Variants in HMGXB4 observed in about 807,000 individuals in gnomAD.
HMGXB4 encodes the protein HMG-box containing 4.
In HMGXB4, 27 loss-of-function variants were observed where a neutral mutation model predicts 63.9. That is an observed-to-expected ratio of 0.42 (90% CI 0.31 to 0.58). The LOEUF (loss-of-function observed/expected upper bound fraction) is 0.58, where lower values mean the gene tolerates loss of function less well. Among genes scored for constraint, HMGXB4 ranks in the 20% least tolerant of loss-of-function variants. The pLI, the probability that HMGXB4 is intolerant of heterozygous loss-of-function variation, is 0.13. For synonymous variants in HMGXB4, 264 were observed against 265.3 expected, an observed-to-expected ratio of 0.99 and a Z score of 0.05; for missense variants, 624 against 700.7, an observed-to-expected ratio of 0.89 and a Z score of 1.24.
At chr22:35,274,526 A>G (rs915049503) in intron 5 of HMGXB4, among the ~76,000 whole-genome samples, 1 of 152,218 alleles carries the variant, frequency 6.6e-6, no homozygotes, top group Non-Finnish European at 1.5e-5. Flanking sequence ...TCTACTATGT[A>G]TCACTGAATT....
upstream of HMGXB4, among the ~76,000 whole-genome samples, chr22:35,255,798 C>T (rs1030781702): frequency 6.6e-6 from 1 of 152,182 alleles, no homozygotes; most frequent in Non-Finnish European, 1.5e-5. Context: ...GGATTTAGGG[C>T]TCTGAAGAAC....
At chr22:35,275,381 A>G (rs1923851076) in intron 5 of HMGXB4, among the ~76,000 whole-genome samples, 1 of 151,980 alleles carries the variant, frequency 6.6e-6, no homozygotes, top group Non-Finnish European at 1.5e-5. Context: ...CGGCCTCCCA[A>G]AGTGCTGGGA....
chr22:35,279,391 G>A (rs376778736), intron 5 of HMGXB4, among the ~76,000 whole-genome samples: 39 of 151,948 alleles, frequency 2.6e-4, no homozygotes, highest in African/African-American at 8.2e-4. Context: ...CGCCCACCTC[G>A]GCCTCCCAAA....
chr22:35,258,459 T>TA (rs1922609120), intron 1 of HMGXB4: 1 of 152,212 alleles, frequency 6.6e-6, no homozygotes, highest in South Asian at 2.1e-4. Context: ...TTGCTGGTCT[T>TA]ATGGAATGTG....
chr22:35,286,364 GC>G (rs1445001200), intron 7 of HMGXB4, among the ~76,000 whole-genome samples: 2 of 152,182 alleles, frequency 1.3e-5, no homozygotes, highest in African/African-American at 4.8e-5. Flanking sequence ...TAAAATCAGA[GC>G]CCTTTACTGC....
chr22:35,290,869 A>C (rs1234523332), intron 9 of HMGXB4, among the ~76,000 whole-genome samples: 2 of 152,084 alleles, frequency 1.3e-5, no homozygotes, highest in African/African-American at 4.8e-5. Flanking sequence ...TTTAATGTAC[A>C]TCGTAATGGA....
chr22:35,265,651 T>C (rs1221808517), intron 5 of HMGXB4, 48 bp downstream of exon 5: 2 of 1,469,558 alleles, frequency 1.4e-6, no homozygotes, highest in East Asian at 2.5e-5. Context: ...AAGCAGGTTC[T>C]TCCTGGGTAG....
intron 10 of HMGXB4, 107 bp from the exon 11 acceptor site, chr22:35,293,500 T>C: frequency 1.3e-6 from 1 of 778,068 alleles, no homozygotes; most frequent in South Asian, 1.5e-5. Flanking sequence ...TCACCTGTTT[T>C]TCTAACTCCA....
At chr22:35,259,694 A>G (rs1257951276) in intron 1 of HMGXB4, among the ~76,000 whole-genome samples, 1 of 152,244 alleles carries the variant, frequency 6.6e-6, no homozygotes, top group Admixed American at 6.5e-5. Flanking sequence ...CGGTCTGCCC[A>G]AGCTGTGGCT....
At chr22:35,256,201 T>C (rs73883573), upstream of HMGXB4, among the ~76,000 whole-genome samples, 967 of 152,322 alleles carry the variant, frequency 6.3e-3, 12 homozygotes, top group African/African-American at 0.022. Flanking sequence ...CACCTTGCTT[T>C]TATTGGTCTC....
At chr22:35,287,159 A>G in intron 7 of HMGXB4, 188 bp from the exon 8 acceptor site, 2 of 559,590 alleles carry the variant, frequency 3.6e-6, no homozygotes, top group South Asian at 4.2e-5. Context: ...GTCCTTTACT[A>G]AGATATTAAT....
At chr22:35,259,752 C>T (rs1190023273) in intron 1 of HMGXB4, among the ~76,000 whole-genome samples, 1 of 152,202 alleles carries the variant, frequency 6.6e-6, no homozygotes, top group Non-Finnish European at 1.5e-5. Context: ...TCTTGGCTGC[C>T]CCAGTTCTTC....
At chr22:35,265,773 C>T (rs1001673172) in intron 5 of HMGXB4, among the ~76,000 whole-genome samples, 170 bp downstream of exon 5, 5 of 151,096 alleles carry the variant, frequency 3.3e-5, no homozygotes, top group African/African-American at 1.2e-4. Context: ...CCCAGTCTGT[C>T]TGATATAGAA....
At chr22:35,252,545 T>C (rs1243012943), upstream of HMGXB4, among the ~76,000 whole-genome samples, 1 of 152,250 alleles carries the variant, frequency 6.6e-6, no homozygotes, top group Non-Finnish European at 1.5e-5. Flanking sequence ...ATTTCCCTCT[T>C]TTTAAGACTG....
chr22:35,241,638 T>C, the HMGXB4 span, among the ~76,000 whole-genome samples: 1 of 152,116 alleles, frequency 6.6e-6, no homozygotes, highest in Non-Finnish European at 1.5e-5. Context: ...TCAGCTCAGC[T>C]CTCTAACTTG....
upstream of HMGXB4, among the ~76,000 whole-genome samples, chr22:35,256,445 C>T (rs1922407562): frequency 6.6e-6 from 1 of 152,132 alleles, no homozygotes. Flanking sequence ...GCTCACTACT[C>T]ACAAGGAAGC....
intron 9 of HMGXB4, among the ~76,000 whole-genome samples, chr22:35,289,000 TGTG>T (rs1924769196): frequency 6.6e-6 from 1 of 151,748 alleles, no homozygotes; most frequent in South Asian, 2.1e-4. Context: ...ATTAGCCAGG[TGTG>T]GTGGCATGCA....
rs756895775 is a variant in HMGXB4, at chr22:35,293,633, C to T, written c.1788C>T (p.Tyr596=). The T allele has an allele frequency of 6.8e-6, 11 of 1,612,126 alleles. No individual in the cohort carries two copies. Among genetic ancestry groups the T allele is most frequent in the South Asian group, 1.1e-5 (1 of 91,030 alleles). ...CAAACACATTAGACAACATTGCTTA[C>T]ATCATGCCGGGACTGTGACAGCAAA... ...VLSNTLDNIA[Y]IMPGL is the part of the protein sequence containing the mutation. Residue 596 remains tyrosine, a synonymous_variant, in exon 11 of 11, where the codon TAC becomes TAT. Transcript: ENST00000216106.
Position 35,265,125 on chromosome 22 carries a change from A to T in HMGXB4, c.737A>T (p.Lys246Ile). 1.9e-6 allele frequency: 3 copies of T among 1,614,176 alleles called. No individual in the cohort carries two copies. The highest frequency in any genetic ancestry group is 2.5e-6 in the Non-Finnish European group (3 of 1,180,014). Residue 246 changes from lysine to isoleucine, a missense_variant, in exon 5 of 11, where the codon AAA becomes ATA. Physicochemically the swap from Lys to Ile is moderately radical, Grantham distance 102 (BLOSUM62 -3). Coordinates refer to ENST00000216106, the MANE Select transcript of HMGXB4 (RefSeq NM_001003681.3). ...LLGHELQSFL[K>I]TARKKHKSSS... ...GGACATGAGTTACAGAGCTTTCTGA[A>T]AACAGCCCGGAAAAAGCACAAGTCA...
Sources: gnomAD v4.1 joint callset for allele counts (sites outside exome capture counted in the v4.1 genomes callset) on GRCh38, gnomAD v4.1.1 for gene constraint, MANE v1.5 for transcripts, NCBI Gene and HGNC (gene_info 2026-07-23, HGNC 2026-07-21) for gene names.